SFMBT2: variants seen among roughly 807,000 people sequenced by gnomAD.
SFMBT2 encodes the protein Scm like with four mbt domains 2.
A neutral mutation model predicts 110.1 loss-of-function variants in SFMBT2; 38 were observed. The ratio of observed to expected loss-of-function variants is 0.35; its 90% CI spans 0.27 to 0.45. The LOEUF is 0.45. Ranked by LOEUF, SFMBT2 falls within the 20% of genes least tolerant of loss-of-function variation. The probability of loss-of-function intolerance (pLI) is 1.00; values close to 1 mark genes in which losing one functional copy is unlikely to be tolerated. For missense variants in SFMBT2, 1,011 were observed against 1,094.9 expected (o/e 0.92, Z 1.08); for synonymous variants, 425 against 425.4 (o/e 1.00, Z 0.01).
chr10:7,381,575 A>T (rs1431892437), intron 2 of SFMBT2, among the ~76,000 whole-genome samples: 1 of 152,156 alleles, frequency 6.6e-6, no homozygotes, highest in Admixed American at 6.5e-5. Context: ...TTCTGAAGTG[A>T]TGTGTTGCTG....
chr10:7,171,824 G>T lies in SFMBT2; in HGVS notation c.2415+71C>A. 7.5e-7 allele frequency: 1 copy of T among 1,337,180 alleles called. No individual in the cohort carries two copies. The highest frequency in any genetic ancestry group is 9.6e-7 in the Non-Finnish European group (1 of 1,038,110). 82.8% of individuals were successfully genotyped at this position (1,337,180 alleles called of 1,614,324 possible). On this transcript the variant is annotated intron_variant, in intron 19 of 20. Coordinates refer to ENST00000397167, the MANE Select transcript of SFMBT2 (RefSeq NM_001387889.1). This position sits in a 1 kb window ranked among gnomAD's most constrained non-coding sequence, Gnocchi z 4.9. ...TTTAAACAGGTTTCCCCACATCGTG[G>T]CCCTGAAGTGTAACAGGTGTGCTTC...
At chr10:7,166,830 G>A (rs1272303753) in intron 20 of SFMBT2, among the ~76,000 whole-genome samples, 1 of 152,110 alleles carries the variant, frequency 6.6e-6, no homozygotes, top group Non-Finnish European at 1.5e-5. Context: ...AGACACCAAA[G>A]GTAAAATCAT....
chr10:7,348,404 G>A, intron 4 of SFMBT2: 2 of 1,314,060 alleles, frequency 1.5e-6, no homozygotes, highest in Middle Eastern at 1.9e-4. Flanking sequence ...GGGCTTTGGG[G>A]GGCTCTTCAT....
intron 1 of SFMBT2, among the ~76,000 whole-genome samples, chr10:7,388,814 CT>C (rs1845691427): frequency 6.6e-6 from 1 of 152,124 alleles, no homozygotes; most frequent in African/African-American, 2.4e-5. Flanking sequence ...GGCCCGAGCC[CT>C]GCGTGTCACT....
At chr10:7,376,667 G>A (rs1273433323) in intron 2 of SFMBT2, among the ~76,000 whole-genome samples, 1 of 117,300 alleles carries the variant, frequency 8.5e-6, no homozygotes, top group Admixed American at 1.2e-4. Context: ...CCACTGCACT[G>A]CAGCCTGGGT....
chr10:7,302,406 CAA>C (rs2131883924), intron 4 of SFMBT2, among the ~76,000 whole-genome samples: 1 of 152,308 alleles, frequency 6.6e-6, no homozygotes, highest in East Asian at 1.9e-4. Context: ...TAGTTAGCCA[CAA>C]AGAGAATAAA....
intron 16 of SFMBT2, among the ~76,000 whole-genome samples, chr10:7,182,715 T>A (rs1236224545): frequency 1.9e-5 from 1 of 53,524 alleles, no homozygotes; most frequent in Non-Finnish European, 3.4e-5. Flanking sequence ...TGGGGCCTGT[T>A]GTGGGGTGGG....
At chr10:7,233,308 T>C (rs899300429) in intron 9 of SFMBT2, among the ~76,000 whole-genome samples, 13 of 152,078 alleles carry the variant, frequency 8.5e-5, no homozygotes, top group African/African-American at 2.7e-4. Flanking sequence ...ATCCTCAGGC[T>C]CCAGCGACTA....
intron 7 of SFMBT2, among the ~76,000 whole-genome samples, chr10:7,273,704 A>C (rs1461075005): frequency 6.6e-6 from 1 of 152,196 alleles, no homozygotes; most frequent in Non-Finnish European, 1.5e-5. Flanking sequence ...CCTATGAGTG[A>C]GAACATGCGG....
chr10:7,260,220 C>G (rs1433481615), intron 7 of SFMBT2, among the ~76,000 whole-genome samples: 1 of 152,132 alleles, frequency 6.6e-6, no homozygotes. Context: ...CCCAAGGAAG[C>G]CTTTATCTAT....
At chr10:7,236,484 C>A (rs181006180) in intron 9 of SFMBT2, among the ~76,000 whole-genome samples, 1 of 152,214 alleles carries the variant, frequency 6.6e-6, no homozygotes, top group African/African-American at 2.4e-5. Flanking sequence ...AAGAGTCACA[C>A]CCACAAAGGG....
rs1214635579 is a variant in SFMBT2 at position 7,172,708 on chromosome 10, A to G, written c.1985-47T>C. Reference sequence around the variant, plus strand: ...ACTTTTGAAGGCTATACACACACACAGACATGAACAGAGAGAGGAGAGAGA... The same window carrying G: ...ACTTTTGAAGGCTATACACACACACGGACATGAACAGAGAGAGGAGAGAGA... On this transcript the variant is annotated intron_variant, in intron 17 of 20. Transcript: ENST00000397167. This position sits in a 1 kb window ranked among gnomAD's most constrained non-coding sequence, Gnocchi z 4.6. 1.3e-6 allele frequency: 2 copies of G among 1,547,312 alleles called. No homozygotes were observed.
At chr10:7,340,288 T>C (rs1843850753) in intron 4 of SFMBT2, among the ~76,000 whole-genome samples, 2 of 151,606 alleles carry the variant, frequency 1.3e-5, no homozygotes, top group Non-Finnish European at 2.9e-5. Flanking sequence ...TCATGCTGAG[T>C]AGGTGAGGAG....
rs1331682637 is a variant in SFMBT2 at position 7,162,159 on chromosome 10, T to C, written c.*1611A>G. The C allele has an allele frequency of 1.3e-5, 2 of 152,158 alleles. No homozygotes were observed. The highest frequency in any genetic ancestry group is 2.9e-5 in the Non-Finnish European group (2 of 68,040). 9.4% of individuals were successfully genotyped at this position (152,158 alleles called of 1,614,324 possible). Reference sequence around the variant, plus strand: ...TCGCAGCCACAGCTTTGTCTGCACGTGACCTGGCGGATTTAACACAACTGC... The same window carrying C: ...TCGCAGCCACAGCTTTGTCTGCACGCGACCTGGCGGATTTAACACAACTGC... On this transcript the variant is annotated 3_prime_UTR_variant, in exon 21 of 21. Transcript: ENST00000397167.
chr10:7,308,795 G>C (rs1032668329), intron 4 of SFMBT2, among the ~76,000 whole-genome samples: 2 of 152,168 alleles, frequency 1.3e-5, no homozygotes, highest in African/African-American at 4.8e-5. Context: ...GTACTTACCA[G>C]TTACACATGA....
chr10:7,173,530 G>T (rs912458195), intron 17 of SFMBT2, among the ~76,000 whole-genome samples: 1 of 152,270 alleles, frequency 6.6e-6, no homozygotes, highest in East Asian at 1.9e-4. Flanking sequence ...CTTCTCATTT[G>T]CTGGGACTCA....
chr10:7,166,103 CA>C (rs1480118470), intron 20 of SFMBT2, among the ~76,000 whole-genome samples: 4 of 152,328 alleles, frequency 2.6e-5, no homozygotes, highest in African/African-American at 9.6e-5. Flanking sequence ...CTGTGGATGT[CA>C]TTAAACCATG....
intron 16 of SFMBT2, among the ~76,000 whole-genome samples, chr10:7,184,683 A>G (rs955169150): frequency 7.2e-5 from 11 of 152,112 alleles, no homozygotes; most frequent in African/African-American, 2.7e-4. Context: ...ACTATGGTCT[A>G]AGTTCCATCA....
In SFMBT2 at chr10:7,290,252, C is replaced by T. The variant is rs554431106; in HGVS notation, c.437-4298G>A. 4.2e-5 allele frequency among the ~76,000 whole-genome samples: 6 copies of T among 141,236 alleles called. No individual in the cohort carries two copies. The South Asian group carries it at 1.1e-3, about 27-fold the overall frequency. 92.7% of individuals were successfully genotyped at this position (141,236 alleles called of 152,430 possible). Reference sequence around the variant, plus strand: ...TCATTAAGGCAAACTCCTAGAAAGTCATAAGAAACAAAAAAAAAAAAAAGA... The same window carrying T: ...TCATTAAGGCAAACTCCTAGAAAGTTATAAGAAACAAAAAAAAAAAAAAGA... On this transcript the variant is annotated intron_variant, in intron 4 of 20. Coordinates refer to ENST00000397167, the MANE Select transcript of SFMBT2 (RefSeq NM_001387889.1).
Sources: allele counts gnomAD v4.1 joint callset (sites outside exome capture counted in the v4.1 genomes callset), GRCh38; gene constraint gnomAD v4.1.1; non-coding constraint Gnocchi (gnomAD v3.1); transcripts MANE v1.5; gene names NCBI Gene and HGNC (gene_info 2026-07-23, HGNC 2026-07-21).